MPP7: variants seen among roughly 807,000 people sequenced by gnomAD.
MPP7 encodes MAGUK p55 subfamily member 7.
MPP7 carries 60 observed loss-of-function variants against 76.5 expected under a neutral mutation model. That is an observed-to-expected ratio of 0.78 (90% confidence interval 0.64 to 0.97). The LOEUF (loss-of-function observed/expected upper bound fraction) is 0.97, where lower values mean the gene tolerates loss of function less well. Among genes scored for constraint, MPP7 ranks in the 50% least tolerant of loss-of-function variants. The pLI, the probability that MPP7 is intolerant of heterozygous loss-of-function variation, is 0.00. For missense variants in MPP7, 641 were observed against 694.0 expected, an observed-to-expected ratio of 0.92 and a Z score of 0.86; for synonymous variants, 237 against 244.5, an observed-to-expected ratio of 0.97 and a Z score of 0.29.
intron 12 of MPP7, among the ~76,000 whole-genome samples, chr10:28,083,530 C>CTT: frequency 7.4e-6 from 1 of 134,996 alleles, no homozygotes; most frequent in African/African-American, 2.7e-5. Context: ...GATTTTCTTC[C>CTT]TCTTTTTTTT....
chr10:28,098,155 A>G (rs533018584), intron 11 of MPP7, among the ~76,000 whole-genome samples: 1 of 152,238 alleles, frequency 6.6e-6, no homozygotes, highest in East Asian at 1.9e-4. Flanking sequence ...AATGTTAGCA[A>G]TATTTTTTAA....
At chr10:28,151,118 AT>A (rs1383365310) in intron 3 of MPP7, among the ~76,000 whole-genome samples, 1 of 152,194 alleles carries the variant, frequency 6.6e-6, no homozygotes, top group African/African-American at 2.4e-5. Flanking sequence ...ACCAAACTCC[AT>A]TGTAAAAGTC....
Position 28,147,491 on chromosome 10 carries a change from T to G in MPP7, c.307A>C (p.Asn103His), listed in dbSNP as rs777388820. The G allele has an allele frequency of 1.9e-5, 30 of 1,613,566 alleles. No individual in the cohort carries two copies. The East Asian group carries it at 6.0e-4, about 32-fold the overall frequency. Residue 103 changes from asparagine to histidine, a missense_variant, in exon 5 of 17, where the codon AAT becomes CAT. Asn to His is a moderately conservative substitution (Grantham distance 68). Transcript: ENST00000683449. The stretch of plus-strand genomic sequence containing the variant: ...GCGTAACATGTCCTCACCTTCACAT[T>G]GGGTTTTGACAGTAGTTTCAACAGC... ...RELLKLLSKP[N>H]VKALLSVHDT...
intron 3 of MPP7, among the ~76,000 whole-genome samples, chr10:28,159,243 AG>A (rs1426244147): frequency 6.6e-6 from 1 of 152,246 alleles, no homozygotes; most frequent in Non-Finnish European, 1.5e-5. Flanking sequence ...TGTCTAGAAC[AG>A]TATAGCCCAA....
chr10:28,172,753 C>T (rs761652390), intron 3 of MPP7, among the ~76,000 whole-genome samples: 19 of 152,104 alleles, frequency 1.2e-4, no homozygotes, highest in Non-Finnish European at 2.6e-4. Flanking sequence ...TACACATTTG[C>T]CAAAAAGTGA....
chr10:28,312,805 TC>T, intron 2 of MPP7, among the ~76,000 whole-genome samples: 1 of 152,344 alleles, frequency 6.6e-6, no homozygotes, highest in Middle Eastern at 3.4e-3. Flanking sequence ...ACTTATGTTA[TC>T]CTAGAAACTA....
chr10:28,208,997 C>T (rs916423171), intron 2 of MPP7, among the ~76,000 whole-genome samples: 1 of 151,962 alleles, frequency 6.6e-6, no homozygotes, highest in Non-Finnish European at 1.5e-5. Context: ...TTAAGTGTGG[C>T]ACCTCCCCCC....
At chr10:28,061,705 G>A (rs970632595) in intron 13 of MPP7, among the ~76,000 whole-genome samples, 2 of 151,900 alleles carry the variant, frequency 1.3e-5, no homozygotes, top group African/African-American at 4.8e-5. Flanking sequence ...TCCCAAACAG[G>A]ATACACTCAG....
At position 28,087,241 on chromosome 10, in the gene MPP7, T is replaced by G. The variant is rs113800477; in HGVS notation, c.1123+2430A>C. Among the ~76,000 whole-genome samples the G allele has an allele frequency of 7.0e-3, 1,067 of 152,280 alleles. 14 individuals are homozygous for G. The highest frequency in any genetic ancestry group is 0.024 in the African/African-American group (1,017 of 41,552). On this transcript the variant is annotated intron_variant, in intron 12 of 16. Coordinates refer to ENST00000683449, the MANE Select transcript of MPP7 (RefSeq NM_001318170.2). Reference sequence around the variant, plus strand: ...CTGCACACACAGGATTCCCTTCGCCTTCCACAAGTCAAAGCAGCATGAGGC... The same window carrying G: ...CTGCACACACAGGATTCCCTTCGCCGTCCACAAGTCAAAGCAGCATGAGGC...
intron 2 of MPP7, among the ~76,000 whole-genome samples, chr10:28,207,467 G>C (rs1837985686): frequency 6.6e-6 from 1 of 152,022 alleles, no homozygotes; most frequent in South Asian, 2.1e-4. Context: ...CAAGGCAGAA[G>C]GATTGCTTGA....
intron 2 of MPP7, among the ~76,000 whole-genome samples, chr10:28,218,311 G>T (rs1838382220): frequency 6.6e-6 from 1 of 152,072 alleles, no homozygotes; most frequent in Admixed American, 6.6e-5. Context: ...AGTCGTAGAG[G>T]AATTAATCTT....
intron 1 of MPP7, among the ~76,000 whole-genome samples, chr10:28,252,481 C>T (rs1839645651): frequency 6.6e-6 from 1 of 152,192 alleles, no homozygotes; most frequent in African/African-American, 2.4e-5. Flanking sequence ...ATTTAGCTTT[C>T]TGTGAAGCAT....
chr10:28,092,505 GTTAT>G (rs1307608554), intron 11 of MPP7, among the ~76,000 whole-genome samples: 1 of 150,724 alleles, frequency 6.6e-6, no homozygotes, highest in Non-Finnish European at 1.5e-5. Context: ...CAGAGAAAAA[GTTAT>G]TTATTACTTT....
At chr10:28,274,545 G>A (rs565623185) in intron 1 of MPP7, among the ~76,000 whole-genome samples, 1 of 152,082 alleles carries the variant, frequency 6.6e-6, no homozygotes, top group Non-Finnish European at 1.5e-5. Context: ...CCAATTTTCT[G>A]ATAGCCCTCT....
In MPP7 at chr10:28,251,388, G is replaced by C. The variant is rs578174367; in HGVS notation, c.-131-12653C>G. On this transcript the variant is annotated intron_variant, in intron 1 of 16. Transcript: ENST00000683449. ...GAGGCAGGATAATTGCTTGAACCCG[G>C]GAGGCGGAGGTTACAGTGAGCCGAG... 1.1e-4 allele frequency among the ~76,000 whole-genome samples: 16 copies of C among 152,072 alleles called. No homozygotes were observed. In the East Asian group the frequency reaches 2.9e-3, roughly 28 times the overall value.
intron 3 of MPP7, among the ~76,000 whole-genome samples, chr10:28,199,072 T>C (rs760806955): frequency 7.2e-5 from 11 of 152,282 alleles, no homozygotes; most frequent in Non-Finnish European, 1.2e-4. Flanking sequence ...TACATCGTGG[T>C]AAGCAAGAGA....
chr10:28,088,629 T>A (rs1853136455), intron 12 of MPP7, among the ~76,000 whole-genome samples: 1 of 152,190 alleles, frequency 6.6e-6, no homozygotes, highest in African/African-American at 2.4e-5. Flanking sequence ...ATTATAGCAG[T>A]GTGAGAATGT....
chr10:28,318,462 GATTACTTGA>G (rs1278952440), intron 2 of MPP7, among the ~76,000 whole-genome samples: 4 of 152,300 alleles, frequency 2.6e-5, no homozygotes, highest in Middle Eastern at 3.4e-3. Flanking sequence ...AAGGTAGGTG[GATTACTTGA>G]AGTCAGGAGT....
At chr10:28,187,721 A>G (rs775924641) in intron 3 of MPP7, among the ~76,000 whole-genome samples, 2 of 152,178 alleles carry the variant, frequency 1.3e-5, no homozygotes, top group Non-Finnish European at 2.9e-5. Context: ...TAATATGTAA[A>G]TATCTCCTTT....
Sources: gnomAD v4.1 joint callset for allele counts (sites outside exome capture counted in the v4.1 genomes callset) on GRCh38, gnomAD v4.1.1 for gene constraint, MANE v1.5 for transcripts, NCBI Gene and HGNC (gene_info 2026-07-23, HGNC 2026-07-21) for gene names.